Variants in OGN observed in about 807,000 individuals in gnomAD.
OGN encodes the protein mimecan.
Under a neutral mutation model 30.8 loss-of-function variants are expected in OGN, and 19 were observed. The ratio of observed to expected loss-of-function variants is 0.62; its 90% CI spans 0.43 to 0.90. The LOEUF is 0.90. Ranked by LOEUF, OGN falls within the 40% of genes least tolerant of loss-of-function variation. The probability of loss-of-function intolerance (pLI) is 0.00; values close to 1 mark genes in which losing one functional copy is unlikely to be tolerated. For missense variants in OGN, 283 were observed against 349.7 expected (o/e 0.81, Z 1.52); for synonymous variants, 126 against 128.3 (o/e 0.98, Z 0.12).
intron 3 of OGN, among the ~76,000 whole-genome samples, chr9:92,394,614 C>CT (rs1474181230): frequency 4.6e-5 from 7 of 150,818 alleles, no homozygotes; most frequent in African/African-American, 4.9e-5. Context: ...AATTTTTTTT[C>CT]TTTTTTTTGA....
chr9:92,389,563 G>A (rs557549935), intron 5 of OGN: 7 of 219,516 alleles, frequency 3.2e-5, no homozygotes, highest in Non-Finnish European at 5.3e-5. Flanking sequence ...TGTCATGAGA[G>A]GGCCAACCAT....
At position 92,383,823 on chromosome 9, in the gene OGN, G is replaced by C. The variant is rs1002404393; in HGVS notation, c.*1797C>G. On this transcript the variant is annotated 3_prime_UTR_variant, in exon 7 of 7. Coordinates refer to ENST00000375561, the MANE Select transcript of OGN (RefSeq NM_014057.5). ...ACTTTTGAATTTTTTCTTAATTTGA[G>C]AGTTATTTGATGGTGTTTTGCTCCA... 2.6e-5 allele frequency: 4 copies of C among 151,490 alleles called. No individual in the cohort carries two copies. Among genetic ancestry groups the C allele is most frequent in the African/African-American group, 9.7e-5 (4 of 41,234 alleles). 9.4% of individuals were successfully genotyped at this position (151,490 alleles called of 1,614,324 possible). A position where few individuals can be genotyped will look rare whatever the true frequency, so the allele number is the denominator to read the frequency against.
At chr9:92,390,486 T>A (rs1842626459) in intron 4 of OGN, among the ~76,000 whole-genome samples, 1 of 152,230 alleles carries the variant, frequency 6.6e-6, no homozygotes, top group Admixed American at 6.5e-5. Flanking sequence ...AATCTCTCTA[T>A]GCCTTATCGC....
intron 3 of OGN, among the ~76,000 whole-genome samples, chr9:92,393,920 T>A (rs1842788559): frequency 6.6e-6 from 1 of 152,136 alleles, no homozygotes; most frequent in East Asian, 1.9e-4. Flanking sequence ...ATGATATCTG[T>A]TTATCCCATT....
intron 5 of OGN, 48 bp downstream of exon 5, chr9:92,389,806 A>G (rs1278882064): frequency 7.9e-7 from 1 of 1,258,458 alleles, no homozygotes; most frequent in East Asian, 2.3e-5. Context: ...TCTTTTATCT[A>G]TCATATCATC....
At chr9:92,394,428 T>C (rs2130907218) in intron 3 of OGN, among the ~76,000 whole-genome samples, 1 of 148,434 alleles carries the variant, frequency 6.7e-6, no homozygotes, top group Non-Finnish European at 1.5e-5. Flanking sequence ...TTTTTTTGAA[T>C]TTTTAGTATA....
At chr9:92,395,517 G>A (rs530210058) in intron 3 of OGN, among the ~76,000 whole-genome samples, 119 of 152,236 alleles carry the variant, frequency 7.8e-4, no homozygotes, top group Non-Finnish European at 1.3e-3. Flanking sequence ...TTTCTCTTGG[G>A]TAAGTACCTA....
chr9:92,397,451 C>T (rs564847096), intron 3 of OGN, among the ~76,000 whole-genome samples: 3 of 152,212 alleles, frequency 2.0e-5, no homozygotes, highest in African/African-American at 4.8e-5. Flanking sequence ...CTCAGCCTCC[C>T]GAGTAGCTGG....
chr9:92,394,823 T>C (rs1842830123), intron 3 of OGN, among the ~76,000 whole-genome samples: 1 of 151,822 alleles, frequency 6.6e-6, no homozygotes, highest in Non-Finnish European at 1.5e-5. Flanking sequence ...GCCAGGCTGC[T>C]TTCGAACTCC....
intron 5 of OGN, among the ~76,000 whole-genome samples, chr9:92,389,072 G>A (rs1842560983): frequency 6.6e-6 from 1 of 152,094 alleles, no homozygotes; most frequent in African/African-American, 2.4e-5. Context: ...TAAACTTTAT[G>A]ATAATGAATA....
chr9:92,397,818 C>T (rs999889024), intron 3 of OGN, among the ~76,000 whole-genome samples: 2 of 152,156 alleles, frequency 1.3e-5, no homozygotes, highest in Non-Finnish European at 2.9e-5. Context: ...CGGATATAAA[C>T]ATATACAATA....
Position 92,389,853 on chromosome 9 carries a change from C to T in OGN, c.630+1G>A. 1 of 1,592,150 alleles carries T rather than the reference C, an allele frequency of 6.3e-7. No homozygotes were observed. Among genetic ancestry groups the T allele is most frequent in the Non-Finnish European group, 8.6e-7 (1 of 1,161,708 alleles). ...GCTTAGTTTTACTATAAAATACTTA[C>T]TTTGAATGCATTTGCTTTGATTCCC... On this transcript the variant is annotated splice_donor_variant, in intron 5 of 6. Coordinates refer to ENST00000375561, the MANE Select transcript of OGN (RefSeq NM_014057.5). LOFTEE classifies it high-confidence loss of function.
intron 3 of OGN, among the ~76,000 whole-genome samples, chr9:92,399,997 T>C (rs1298809261): frequency 1.3e-5 from 2 of 152,214 alleles, no homozygotes; most frequent in African/African-American, 4.8e-5. Flanking sequence ...TGTTGTTCCA[T>C]ATGAATTCTA....
At chr9:92,398,937 C>T (rs1842998191) in intron 3 of OGN, among the ~76,000 whole-genome samples, 1 of 151,970 alleles carries the variant, frequency 6.6e-6, no homozygotes. Context: ...TGGCGCGTGC[C>T]TGTAATCCCA....
At chr9:92,401,015 T>C (rs917262025) in intron 3 of OGN, 77 bp downstream of exon 3, 2 of 712,362 alleles carry the variant, frequency 2.8e-6, no homozygotes, top group East Asian at 2.7e-5. Context: ...GAGTCAGTTT[T>C]TGATTACCAC....
intron 3 of OGN, 54 bp from the exon 4 acceptor site, chr9:92,393,298 C>A: frequency 1.5e-6 from 2 of 1,378,840 alleles, no homozygotes; most frequent in Non-Finnish European, 9.9e-7. Context: ...AAATATTTCT[C>A]CTCTAGTAGT....
intron 5 of OGN, 42 bp downstream of exon 5, chr9:92,389,812 T>C: frequency 7.6e-7 from 1 of 1,313,734 alleles, no homozygotes; most frequent in Non-Finnish European, 1.1e-6. Context: ...ATCTATCATA[T>C]CATCACTCAT....
intron 5 of OGN, among the ~76,000 whole-genome samples, chr9:92,388,831 CA>C (rs533649013): frequency 0.32 from 26,513 of 83,434 alleles, 2,379 homozygotes; most frequent in Middle Eastern, 0.43. Context: ...GACTCCATCT[CA>C]AAAAAAAAAA....
rs762122029 is a variant in OGN at position 92,404,554 on chromosome 9, A to C, written c.-134T>G. 4.6e-6 allele frequency: 6 copies of C among 1,297,950 alleles called. No individual in the cohort carries two copies. The allele number at this position is 1,297,950 out of a possible 1,614,324, so 80.4% of individuals were successfully genotyped here. A position where few individuals can be genotyped will look rare whatever the true frequency, so the allele number is the denominator to read the frequency against. ...CCTCAATAGATGTTCATGTCTGTGCATTAGCCCCAAGTGGGAGGGTGAATG... is the reference window on the plus strand; with the variant it reads ...CCTCAATAGATGTTCATGTCTGTGCCTTAGCCCCAAGTGGGAGGGTGAATG... On this transcript the variant is annotated 5_prime_UTR_variant, in exon 1 of 7. It removes an upstream start codon present in the reference 5' UTR. Coordinates refer to ENST00000375561, the MANE Select transcript of OGN (RefSeq NM_014057.5).
Sources: allele counts gnomAD v4.1 joint callset (sites outside exome capture counted in the v4.1 genomes callset), GRCh38; gene constraint gnomAD v4.1.1; transcripts MANE v1.5; gene names NCBI Gene and HGNC (gene_info 2026-07-23, HGNC 2026-07-21).